The following CFH variants were observed in gnomAD, a reference collection of about 807,000 sequenced individuals.
CFH encodes the protein H factor 1 (complement).
CFH carries 53 observed loss-of-function variants against 147.3 expected under a neutral mutation model. That is an observed-to-expected ratio of 0.36 (90% CI 0.29 to 0.45). The LOEUF (loss-of-function observed/expected upper bound fraction) is 0.45. Among genes scored for constraint, CFH ranks in the 20% least tolerant of loss-of-function variants. The pLI, the probability that CFH is intolerant of heterozygous loss-of-function variation, is 1.00. For synonymous variants in CFH, 536 were observed against 489.4 expected (o/e 1.10, Z -1.26); for missense variants, 1,380 against 1,498.0 (o/e 0.92, Z 1.30).
intron 2 of CFH, chr1:196,673,480 GCA>G (rs1388342493): frequency 1.8e-5 from 7 of 385,892 alleles, no homozygotes; most frequent in African/African-American, 1.2e-4. Flanking sequence ...GGGACTATAG[GCA>G]CGTGCCACCA....
chr1:196,696,614 A>G (rs1034649390), intron 9 of CFH, among the ~76,000 whole-genome samples: 2 of 151,896 alleles, frequency 1.3e-5, no homozygotes, highest in Non-Finnish European at 2.9e-5. Context: ...CATCCCCATC[A>G]AGCTACCAAT....
intron 7 of CFH, among the ~76,000 whole-genome samples, 156 bp from the exon 8 acceptor site, chr1:196,689,264 A>G (rs1172768235): frequency 1.3e-5 from 2 of 151,786 alleles, no homozygotes; most frequent in South Asian, 4.2e-4. Flanking sequence ...TATCTCAGTC[A>G]TCTGAGTTCT....
intron 9 of CFH, among the ~76,000 whole-genome samples, chr1:196,709,634 A>G (rs1371898143): frequency 6.6e-6 from 1 of 152,168 alleles, no homozygotes; most frequent in Non-Finnish European, 1.5e-5. Context: ...TCAGCTTTCC[A>G]TTTGTCCAAC....
At chr1:196,707,932 A>G (rs1172211013) in intron 9 of CFH, among the ~76,000 whole-genome samples, 1 of 152,188 alleles carries the variant, frequency 6.6e-6, no homozygotes, top group African/African-American at 2.4e-5. Context: ...TTACTTGGTC[A>G]TTATAATTGC....
At chr1:196,726,993 T>TTGTTAC in intron 14 of CFH, 53 bp downstream of exon 14, 1 of 1,517,160 alleles carries the variant, frequency 6.6e-7, no homozygotes, top group Non-Finnish European at 9.1e-7. Flanking sequence ...ATTTTTATTG[T>TTGTTAC]AACAACAATA....
intron 1 of CFH, among the ~76,000 whole-genome samples, chr1:196,663,142 T>C (rs1666964588): frequency 6.6e-6 from 1 of 152,190 alleles, no homozygotes; most frequent in African/African-American, 2.4e-5. Flanking sequence ...TTTTTACTGC[T>C]TGGAATTTTT....
intron 9 of CFH, among the ~76,000 whole-genome samples, chr1:196,704,108 T>A (rs1668528884): frequency 1.3e-5 from 2 of 151,978 alleles, no homozygotes. Flanking sequence ...GACAGAGTCT[T>A]GCCCTATCGC....
chr1:196,687,783 T>A (rs1476921643), intron 7 of CFH, among the ~76,000 whole-genome samples: 1 of 151,970 alleles, frequency 6.6e-6, no homozygotes, highest in Non-Finnish European at 1.5e-5. Flanking sequence ...GAATGTTACT[T>A]AAAAGAAATA....
intron 9 of CFH, among the ~76,000 whole-genome samples, chr1:196,698,625 C>T (rs1335508785): frequency 1.3e-5 from 2 of 152,146 alleles, no homozygotes; most frequent in Admixed American, 6.6e-5. Context: ...GATGGATTTA[C>T]AGCCAAATTC....
At chr1:196,720,463 G>A (rs894450286) in intron 11 of CFH, among the ~76,000 whole-genome samples, 1 of 151,800 alleles carries the variant, frequency 6.6e-6, no homozygotes, top group African/African-American at 2.4e-5. Context: ...AGTCTCCAAT[G>A]TCTGTTACTC....
chr1:196,745,177 C>G (rs562473156), intron 20 of CFH, among the ~76,000 whole-genome samples: 8 of 152,094 alleles, frequency 5.3e-5, no homozygotes, highest in South Asian at 2.1e-4. Flanking sequence ...TTGGAGTTCA[C>G]TCAGCTTCTT....
chr1:196,739,843 T>C (rs1038716801), intron 17 of CFH, among the ~76,000 whole-genome samples: 1 of 152,200 alleles, frequency 6.6e-6, no homozygotes, highest in Admixed American at 6.5e-5. Context: ...TATTAGTCTG[T>C]TATCATGCTG....
chr1:196,682,239 A>G (rs552340058), intron 6 of CFH, among the ~76,000 whole-genome samples: 21 of 151,872 alleles, frequency 1.4e-4, no homozygotes, highest in East Asian at 9.7e-4. Flanking sequence ...TGGATTTTCT[A>G]TTGGTTCAAA....
intron 1 of CFH, among the ~76,000 whole-genome samples, chr1:196,671,428 T>C (rs1315088108): frequency 6.6e-6 from 1 of 152,028 alleles, no homozygotes; most frequent in Non-Finnish European, 1.5e-5. Context: ...CAAGATTGTT[T>C]GCTCTTTCTT....
Position 196,673,034 on chromosome 1 carries a change from G to T in CFH, c.115G>T (p.Asp39Tyr). 1.9e-6 allele frequency: 3 copies of T among 1,614,050 alleles called. No individual in the cohort carries two copies. Among genetic ancestry groups the T allele is most frequent in the Non-Finnish European group, 2.5e-6 (3 of 1,179,974 alleles). The change falls in exon 2 of 22, where the codon GAC becomes TAC. Residue 39 changes from aspartate (D) to tyrosine (Y), a missense_variant. Transcript: ENST00000367429. ...NTEILTGSWS[D>Y]QTYPEGTQAI... ...AGAAATTCTGACAGGTTCCTGGTCT[G>T]ACCAAACATATCCAGAAGGCACCCA... is the stretch of plus-strand genomic sequence containing the variant.
At chr1:196,654,987 C>A (rs760443232) in intron 1 of CFH, among the ~76,000 whole-genome samples, 1 of 152,008 alleles carries the variant, frequency 6.6e-6, no homozygotes, top group Non-Finnish European at 1.5e-5. Context: ...TGTGCGATGG[C>A]CCAATTGGCT....
intron 9 of CFH, among the ~76,000 whole-genome samples, chr1:196,707,090 TAATCTGG>T (rs1668607613): frequency 6.6e-6 from 1 of 152,082 alleles, no homozygotes; most frequent in South Asian, 2.1e-4. Flanking sequence ...GCCCTCAGCA[TAATCTGG>T]AATCTTCATA....
chr1:196,696,969 T>G (rs147298836), intron 9 of CFH, among the ~76,000 whole-genome samples: 2,217 of 152,330 alleles, frequency 0.015, 59 homozygotes, highest in African/African-American at 0.05. Flanking sequence ...AAGCTGAAAC[T>G]GGATCCCTTC....
At chr1:196,672,954 T>G (rs990343171) in intron 1 of CFH, 24 bp from the exon 2 acceptor site, 2 of 1,596,902 alleles carry the variant, frequency 1.3e-6, no homozygotes, top group African/African-American at 2.7e-5. Flanking sequence ...CTTTATGCAC[T>G]TATTTTGTTT....
Sources: allele counts gnomAD v4.1 joint callset (sites outside exome capture counted in the v4.1 genomes callset), GRCh38; gene constraint gnomAD v4.1.1; transcripts MANE v1.5; gene names NCBI Gene and HGNC (gene_info 2026-07-23, HGNC 2026-07-21).